PRKCA: variants seen among roughly 807,000 people sequenced by gnomAD.
PRKCA encodes the protein protein kinase C alpha, also known as protein kinase C alpha type.
In PRKCA, 27 loss-of-function variants were observed where a neutral mutation model predicts 87.0. The observed-to-expected ratio is 0.31, with a 90% CI of 0.23 to 0.43. The LOEUF is 0.43. Ranked by LOEUF, PRKCA falls within the 20% of genes least tolerant of loss-of-function variation. PRKCA has a pLI of 1.00. For missense variants in PRKCA, 518 were observed against 852.3 expected, an observed-to-expected ratio of 0.61 and a Z score of 4.88; for synonymous variants, 329 against 311.1, an observed-to-expected ratio of 1.06 and a Z score of -0.61.
chr17:66,540,309 G>A (rs893040128), intron 3 of PRKCA, among the ~76,000 whole-genome samples: 3 of 152,244 alleles, frequency 2.0e-5, no homozygotes, highest in East Asian at 1.9e-4. Flanking sequence ...AGAGCCCAGC[G>A]GAGAGTCTGG....
At chr17:66,716,680 G>T (rs914950606) in intron 8 of PRKCA, among the ~76,000 whole-genome samples, 1 of 152,066 alleles carries the variant, frequency 6.6e-6, no homozygotes, top group Non-Finnish European at 1.5e-5. Flanking sequence ...GAAAAATTTG[G>T]TTGGCTGCAA....
rs895689643 is a variant in PRKCA, at chr17:66,689,138, C to CA, written c.918+100dup. The stretch of plus-strand genomic sequence containing the variant: ...ATGTTGTGGTCACATTTTTGAAAAG[C>CA]AAAAAAAAAGTAATCTCAATGTTAA... On this transcript the variant is annotated intron_variant, in intron 8 of 16. Transcript: ENST00000413366. The surrounding 1 kb of genome is among the most constrained non-coding windows in gnomAD (Gnocchi z 4.1). 162 of 732,530 alleles carry CA rather than the reference C, an allele frequency of 2.2e-4. No homozygotes were observed. Among genetic ancestry groups the CA allele is most frequent in the South Asian group, 2.9e-4 (13 of 44,946 alleles). The allele number at this position is 732,530 out of a possible 1,614,324, so 45.4% of individuals were successfully genotyped here.
chr17:66,557,148 G>T (rs777939891), intron 3 of PRKCA, among the ~76,000 whole-genome samples: 3 of 152,106 alleles, frequency 2.0e-5, no homozygotes, highest in African/African-American at 4.8e-5. Context: ...ATCCAGAAGG[G>T]CTATCTAACT....
At chr17:66,550,152 G>T (rs1415635039) in intron 3 of PRKCA, among the ~76,000 whole-genome samples, 1 of 152,030 alleles carries the variant, frequency 6.6e-6, no homozygotes, top group African/African-American at 2.4e-5. Flanking sequence ...CTTTTTTCTC[G>T]GGTGAAGAGA....
At chr17:66,309,126 CT>C (rs1004234184) in intron 2 of PRKCA, among the ~76,000 whole-genome samples, 5 of 152,080 alleles carry the variant, frequency 3.3e-5, no homozygotes, top group Admixed American at 1.3e-4. Context: ...CATAGTTTTT[CT>C]TTTTTTAACT....
At chr17:66,559,457 A>G (rs1366984438) in intron 3 of PRKCA, among the ~76,000 whole-genome samples, 2 of 138,968 alleles carry the variant, frequency 1.4e-5, no homozygotes, top group Non-Finnish European at 3.1e-5. Flanking sequence ...CCTGGGCGCA[A>G]CAGAGTGAGT....
At chr17:66,519,082 G>A (rs561374522) in intron 3 of PRKCA, among the ~76,000 whole-genome samples, 1 of 152,278 alleles carries the variant, frequency 6.6e-6, no homozygotes, top group East Asian at 1.9e-4. Flanking sequence ...TGGAAAAGTG[G>A]AGGCAATGGG....
intron 3 of PRKCA, among the ~76,000 whole-genome samples, chr17:66,589,037 A>C (rs1329778933): frequency 6.6e-6 from 1 of 152,140 alleles, no homozygotes; most frequent in Non-Finnish European, 1.5e-5. Context: ...CAAGTTGCTG[A>C]TACCTTAGGT....
chr17:66,326,945 A>G (rs62072560), intron 2 of PRKCA, among the ~76,000 whole-genome samples: 25,191 of 152,114 alleles, frequency 0.17, 2,633 homozygotes, highest in Non-Finnish European at 0.24. Flanking sequence ...GCAGACACCT[A>G]TAGTTCCAGC....
intron 13 of PRKCA, among the ~76,000 whole-genome samples, chr17:66,752,186 A>G (rs1974446779): frequency 6.6e-6 from 1 of 152,204 alleles, no homozygotes; most frequent in East Asian, 1.9e-4. Context: ...GAGTCTGGCC[A>G]TAATGACTTA....
intron 2 of PRKCA, among the ~76,000 whole-genome samples, chr17:66,325,756 ACCTAGAGAGC>A (rs1469610542): frequency 3.3e-5 from 5 of 152,122 alleles, no homozygotes; most frequent in Non-Finnish European, 7.4e-5. Context: ...CCTTTGAGCT[ACCTAGAGAGC>A]CCTAGGATTA....
intron 2 of PRKCA, among the ~76,000 whole-genome samples, chr17:66,369,189 G>T (rs1464020557): frequency 1.3e-5 from 2 of 152,182 alleles, no homozygotes; most frequent in Non-Finnish European, 2.9e-5. Flanking sequence ...AACCTGTAAA[G>T]TCCTGGAGTT....
At chr17:66,326,830 A>G (rs566042241) in intron 2 of PRKCA, among the ~76,000 whole-genome samples, 3 of 152,308 alleles carry the variant, frequency 2.0e-5, no homozygotes, top group South Asian at 4.1e-4. Flanking sequence ...AAAATTCTTG[A>G]TAATCTAAAG....
intron 2 of PRKCA, among the ~76,000 whole-genome samples, chr17:66,474,074 A>G (rs770129603): frequency 3.9e-5 from 6 of 152,258 alleles, no homozygotes; most frequent in Admixed American, 6.5e-5. Context: ...AAAATCATTT[A>G]TGAAGAAGAT....
chr17:66,583,303 T>G (rs1473503819), intron 3 of PRKCA, among the ~76,000 whole-genome samples: 1 of 152,194 alleles, frequency 6.6e-6, no homozygotes, highest in Non-Finnish European at 1.5e-5. Context: ...TTTTCTGTTG[T>G]ATCTCATTGT....
At chr17:66,578,011 G>T (rs1001894542) in intron 3 of PRKCA, among the ~76,000 whole-genome samples, 2 of 151,836 alleles carry the variant, frequency 1.3e-5, no homozygotes, top group Non-Finnish European at 2.9e-5. Flanking sequence ...TGTGTCATGC[G>T]CCCCCTCCAC....
intron 2 of PRKCA, among the ~76,000 whole-genome samples, chr17:66,373,932 T>C (rs1909256521): frequency 6.6e-6 from 1 of 152,168 alleles, no homozygotes; most frequent in Admixed American, 6.5e-5. Flanking sequence ...AGGAGCCCAG[T>C]GCACCGGTGA....
At position 66,774,400 on chromosome 17, in the gene PRKCA, C is replaced by T. The variant is rs930479376; in HGVS notation, c.1605+333C>T. On this transcript the variant is annotated intron_variant, in intron 14 of 16. Transcript: ENST00000413366. ...CTTTCAGAAGCCAAGGCAGGCGGAT[C>T]GCCTGAGGTCAGGAGTTCGAGACCA... The T allele has an allele frequency of 1.4e-4, 150 of 1,088,810 alleles. No homozygotes were observed. The African/African-American group carries it at 2.3e-3, about 17-fold the overall frequency. 67.4% of individuals were successfully genotyped at this position (1,088,810 alleles called of 1,614,324 possible).
chr17:66,325,965 C>T (rs899165631), intron 2 of PRKCA, among the ~76,000 whole-genome samples: 2 of 152,150 alleles, frequency 1.3e-5, no homozygotes, highest in African/African-American at 4.8e-5. Flanking sequence ...CTATGAGTGG[C>T]TACCATCCAT....
Sources: gnomAD v4.1 joint callset for allele counts (sites outside exome capture counted in the v4.1 genomes callset) on GRCh38, gnomAD v4.1.1 for gene constraint, Gnocchi (gnomAD v3.1) non-coding constraint, MANE v1.5 for transcripts, NCBI Gene and HGNC (gene_info 2026-07-23, HGNC 2026-07-21) for gene names.